Variants in TUT4 observed in about 807,000 individuals in gnomAD.
TUT4 encodes the protein terminal uridylyltransferase 4.
A neutral mutation model predicts 192.2 loss-of-function variants in TUT4; 36 were observed. The observed-to-expected ratio is 0.19, with a 90% CI of 0.14 to 0.25. TUT4 has a LOEUF of 0.25. Among genes scored for constraint, TUT4 ranks in the 10% least tolerant of loss-of-function variants. The probability of loss-of-function intolerance (pLI) is 1.00; values close to 1 mark genes in which losing one functional copy is unlikely to be tolerated. For synonymous variants in TUT4, 618 were observed against 666.0 expected, an observed-to-expected ratio of 0.93 and a Z score of 1.11; for missense variants, 1,493 against 1,957.2, an observed-to-expected ratio of 0.76 and a Z score of 4.47.
At chr1:52,552,538 CAT>C (rs1689741189) in intron 1 of TUT4, among the ~76,000 whole-genome samples, 1 of 152,224 alleles carries the variant, frequency 6.6e-6, no homozygotes, top group Admixed American at 6.5e-5. Context: ...AAAAGGTACA[CAT>C]GACAGGGAAT....
chr1:52,481,727 A>G (rs984204511), intron 10 of TUT4, 77 bp downstream of exon 10: 1 of 1,546,078 alleles, frequency 6.5e-7, no homozygotes, highest in Non-Finnish European at 8.7e-7. Context: ...ATTCCAGCTT[A>G]AAATGTTTGA....
chr1:52,443,356 A>G (rs549441013), intron 24 of TUT4, among the ~76,000 whole-genome samples: 1 of 151,950 alleles, frequency 6.6e-6, no homozygotes, highest in African/African-American at 2.4e-5. Context: ...TGGGAGGCTG[A>G]GATGGGCGGA....
chr1:52,493,485 G>T (rs1570924582), intron 7 of TUT4, 126 bp downstream of exon 7: 1 of 623,432 alleles, frequency 1.6e-6, no homozygotes. Flanking sequence ...ATCTCCATTT[G>T]TAATGCAATG....
At chr1:52,468,853 A>G (rs907065063) in intron 14 of TUT4, among the ~76,000 whole-genome samples, 2 of 152,152 alleles carry the variant, frequency 1.3e-5, no homozygotes, top group African/African-American at 2.4e-5. Flanking sequence ...TATTTTTCCA[A>G]ATAAGTCCAT....
intron 20 of TUT4, 35 bp downstream of exon 20, chr1:52,458,299 CAA>C (rs749490772): frequency 1.3e-6 from 2 of 1,513,352 alleles, no homozygotes; most frequent in Non-Finnish European, 1.8e-6. Context: ...CTATTGTTTT[CAA>C]AAAAAACTCC....
At chr1:52,504,806 C>T (rs1320153308) in intron 4 of TUT4, among the ~76,000 whole-genome samples, 1 of 152,178 alleles carries the variant, frequency 6.6e-6, no homozygotes, top group Non-Finnish European at 1.5e-5. Context: ...CTCTAAAAAC[C>T]TCATGTAAGT....
In TUT4 at chr1:52,506,629, G is replaced by A. The variant is rs78878210; in HGVS notation, c.999+2967C>T. 7.4e-3 allele frequency among the ~76,000 whole-genome samples: 1,130 copies of A among 152,106 alleles called. 17 individuals carry two copies. Among genetic ancestry groups the A allele is most frequent in the African/African-American group, 0.026 (1,084 of 41,488 alleles). On this transcript the variant is annotated intron_variant, in intron 4 of 29. Coordinates refer to ENST00000257177, the MANE Select transcript of TUT4 (RefSeq NM_001009881.3). Reference sequence around the variant, plus strand: ...CAATATAGTTTTAATCTTAGATGTCGTAGTTTTCGTTTCTAATAGTCCTGT... The same window carrying A: ...CAATATAGTTTTAATCTTAGATGTCATAGTTTTCGTTTCTAATAGTCCTGT...
rs1037332898 is a variant in TUT4, at chr1:52,553,004, TGCTGCCGCCGCCGTCGCC to T, written c.-185_-168del. ...TGGCTCCTGCTCTCCCTCCGCCTCC[TGCTGCCGCCGCCGTCGCC>T]GCTGCCGCCGCTGGAGGCCGGGACA... On this transcript the variant is annotated 5_prime_UTR_variant, in exon 1 of 30. Coordinates refer to ENST00000257177, the MANE Select transcript of TUT4 (RefSeq NM_001009881.3). The T allele has an allele frequency of 5.7e-5, 9 of 157,750 alleles. No homozygotes were observed. Among genetic ancestry groups the T allele is most frequent in the African/African-American group, 1.2e-4 (5 of 41,448 alleles). 9.8% of individuals were successfully genotyped at this position (157,750 alleles called of 1,614,324 possible).
At chr1:52,548,176 G>A (rs1688558528) in intron 1 of TUT4, among the ~76,000 whole-genome samples, 1 of 151,982 alleles carries the variant, frequency 6.6e-6, no homozygotes, top group South Asian at 2.1e-4. Flanking sequence ...CTCTCCAAAA[G>A]GTCCCCATAG....
Position 52,475,416 on chromosome 1 carries a change from C to T in TUT4, c.2143G>A (p.Gly715Arg), listed in dbSNP as rs757417407. The T allele has an allele frequency of 5.0e-6, 8 of 1,614,026 alleles. No individual in the cohort carries two copies. In the South Asian group the frequency reaches 8.8e-5, roughly 18 times the overall value. ...TTGAAATCCACTGTAGACTTATTTC[C>T]ACCCTTCGTCTGAGGACAGGCAAAA... is the stretch of plus-strand genomic sequence containing the variant. ...RYFACPQTKG[G>R]NKSTVDFKKR... Residue 715 changes from glycine to arginine, a missense_variant, in exon 13 of 30, where the codon GGA (glycine) becomes AGA (arginine). Transcript: ENST00000257177.
At chr1:52,489,383 T>G (rs1428308495) in intron 8 of TUT4, among the ~76,000 whole-genome samples, 1 of 152,242 alleles carries the variant, frequency 6.6e-6, no homozygotes. Context: ...ATCTCTTCAA[T>G]GTCAAATAGT....
intron 1 of TUT4, among the ~76,000 whole-genome samples, chr1:52,539,767 A>G (rs1685987857): frequency 6.6e-6 from 1 of 151,336 alleles, no homozygotes; most frequent in South Asian, 2.1e-4. Flanking sequence ...ATTAGCTGGG[A>G]GTGGTGGCTC....
At position 52,423,756 on chromosome 1, in the gene TUT4, TTAAA is replaced by T. The variant is rs1423294327; in HGVS notation, c.*175_*178del. 2.1e-6 allele frequency: 3 copies of T among 1,439,682 alleles called. No individual in the cohort carries two copies. Among genetic ancestry groups the T allele is most frequent in the African/African-American group, 1.4e-5 (1 of 70,580 alleles). The allele number at this position is 1,439,682 out of a possible 1,614,324, so 89.2% of individuals were successfully genotyped here. The stretch of plus-strand genomic sequence containing the variant: ...CAGTCTGTAAAAACAGTCTTAGAAT[TTAAA>T]TAAGCTATCTAAACGTGTTAAAATT... On this transcript the variant is annotated 3_prime_UTR_variant, in exon 30 of 30. Coordinates refer to ENST00000257177, the MANE Select transcript of TUT4 (RefSeq NM_001009881.3).
intron 26 of TUT4, among the ~76,000 whole-genome samples, chr1:52,436,125 T>C (rs1270061404): frequency 6.6e-6 from 1 of 152,186 alleles, no homozygotes; most frequent in African/African-American, 2.4e-5. Flanking sequence ...TTCTCCAATA[T>C]GTTTCTAGGA....
chr1:52,471,759 A>G (rs1051884365), intron 14 of TUT4, among the ~76,000 whole-genome samples, 193 bp downstream of exon 14: 8 of 151,776 alleles, frequency 5.3e-5, no homozygotes. Flanking sequence ...ATATATATGG[A>G]CTCTCAATTC....
chr1:52,548,656 A>C (rs962061970), intron 1 of TUT4, among the ~76,000 whole-genome samples: 7 of 152,230 alleles, frequency 4.6e-5, no homozygotes, highest in Non-Finnish European at 8.8e-5. Context: ...GATCTTGAGA[A>C]AGAAATTAGC....
chr1:52,551,065 T>G (rs1178046238), intron 1 of TUT4, among the ~76,000 whole-genome samples: 1 of 152,190 alleles, frequency 6.6e-6, no homozygotes, highest in East Asian at 1.9e-4. Flanking sequence ...ATTATACATT[T>G]TGATTCTAAA....
chr1:52,546,354 T>C (rs753932790), intron 1 of TUT4, among the ~76,000 whole-genome samples: 4 of 152,184 alleles, frequency 2.6e-5, no homozygotes, highest in Non-Finnish European at 4.4e-5. Flanking sequence ...TACAATGGAA[T>C]GTTATTCAGC....
intron 2 of TUT4, among the ~76,000 whole-genome samples, chr1:52,517,943 A>T (rs1679143513): frequency 6.6e-6 from 1 of 152,236 alleles, no homozygotes; most frequent in Non-Finnish European, 1.5e-5. Flanking sequence ...GTTTCTGCTA[A>T]CACAAAGAAT....
Sources: allele counts gnomAD v4.1 joint callset (sites outside exome capture counted in the v4.1 genomes callset), GRCh38; gene constraint gnomAD v4.1.1; transcripts MANE v1.5; gene names NCBI Gene and HGNC (gene_info 2026-07-23, HGNC 2026-07-21).